Variants in DISC1 observed in about 807,000 individuals in gnomAD.
The protein encoded by DISC1 is DISC1 scaffold protein.
DISC1 carries 57 observed loss-of-function variants against 84.5 expected under a neutral mutation model. That is an observed-to-expected ratio of 0.67 (90% CI 0.55 to 0.84). The LOEUF is 0.84. Among genes scored for constraint, DISC1 ranks in the 40% least tolerant of loss-of-function variants. The pLI is 0.00. For synonymous variants in DISC1, 411 were observed against 415.2 expected, an observed-to-expected ratio of 0.99 and a Z score of 0.12; for missense variants, 1,000 against 1,057.8, an observed-to-expected ratio of 0.95 and a Z score of 0.76.
At chr1:231,631,790 C>T (rs537193954) in intron 1 of DISC1, among the ~76,000 whole-genome samples, 4 of 151,684 alleles carry the variant, frequency 2.6e-5, no homozygotes, top group South Asian at 2.1e-4. Flanking sequence ...AGTTATGGTA[C>T]GCTAAAGATA....
intron 8 of DISC1, among the ~76,000 whole-genome samples, chr1:231,812,895 G>A (rs2080453345): frequency 6.6e-6 from 1 of 152,162 alleles, no homozygotes; most frequent in African/African-American, 2.4e-5. Context: ...TGCCTATAAA[G>A]TATTGATCAA....
intron 5 of DISC1, among the ~76,000 whole-genome samples, chr1:231,767,860 C>T (rs2076279904): frequency 6.6e-6 from 1 of 152,176 alleles, no homozygotes; most frequent in South Asian, 2.1e-4. Context: ...TCATTTTGAC[C>T]TTTAGAAGCT....
intron 3 of DISC1, among the ~76,000 whole-genome samples, chr1:231,705,185 G>T (rs1376498519): frequency 1.3e-5 from 2 of 150,836 alleles, no homozygotes; most frequent in African/African-American, 4.9e-5. Context: ...CTACTCGGGA[G>T]GCTGAGGCAG....
chr1:232,021,769 G>T (rs559160097), intron 11 of DISC1, among the ~76,000 whole-genome samples: 1 of 152,274 alleles, frequency 6.6e-6, no homozygotes, highest in African/African-American at 2.4e-5. Context: ...TATGATATTC[G>T]TGGATCTGTA....
chr1:231,727,571 A>G (rs2070897963), intron 3 of DISC1, among the ~76,000 whole-genome samples: 1 of 152,182 alleles, frequency 6.6e-6, no homozygotes, highest in Non-Finnish European at 1.5e-5. Flanking sequence ...TGAGTTTCAG[A>G]GAGACGCCCC....
intron 9 of DISC1, among the ~76,000 whole-genome samples, chr1:231,906,297 C>T (rs1358330454): frequency 6.6e-6 from 1 of 152,156 alleles, no homozygotes; most frequent in Non-Finnish European, 1.5e-5. Context: ...GCTGGGATTA[C>T]AGGCATGAGT....
chr1:231,921,901 A>C (rs555180951), intron 9 of DISC1, among the ~76,000 whole-genome samples: 1 of 150,536 alleles, frequency 6.6e-6, no homozygotes, highest in Non-Finnish European at 1.5e-5. Context: ...TATTACATAG[A>C]GTCACCATGC....
Position 231,747,335 on chromosome 1 carries a change from A to G in DISC1, c.1118-2591A>G, listed in dbSNP as rs150200108. Among the ~76,000 whole-genome samples, 9 of 152,236 alleles carry G rather than the reference A, an allele frequency of 5.9e-5. No homozygotes were observed. The East Asian group carries it at 1.7e-3, about 29-fold the overall frequency. ...GTGCTTTTAAAATCTTATTCATAAA[A>G]TGTTTTCCCAGGCTCATGTCCTCTG... On this transcript the variant is annotated intron_variant, in intron 3 of 12. Coordinates refer to ENST00000439617, the MANE Select transcript of DISC1 (RefSeq NM_018662.3).
chr1:231,689,833 A>G (rs568452300), intron 1 of DISC1, among the ~76,000 whole-genome samples: 1 of 152,328 alleles, frequency 6.6e-6, no homozygotes, highest in African/African-American at 2.4e-5. Flanking sequence ...AATAATTAAC[A>G]GTGCTGGGTG....
chr1:231,735,839 G>A (rs746721848), intron 3 of DISC1, among the ~76,000 whole-genome samples: 7 of 152,196 alleles, frequency 4.6e-5, no homozygotes, highest in African/African-American at 1.4e-4. Flanking sequence ...TTGAGTCGGG[G>A]TCTGGCTCTG....
chr1:231,948,672 A>G (rs1657723622), intron 9 of DISC1, among the ~76,000 whole-genome samples: 1 of 151,894 alleles, frequency 6.6e-6, no homozygotes, highest in African/African-American at 2.4e-5. Context: ...TACCAAGAAC[A>G]CAAACCAGAA....
Position 232,009,719 on chromosome 1 carries a change from A to G in DISC1, c.2307+670A>G. ...TTCCACTCCTCACTTTCCTCCTCCC[A>G]CCCTAACAAGAGTCTTTTCCATAAA... On this transcript the variant is annotated intron_variant, in intron 11 of 12. Coordinates refer to ENST00000439617, the MANE Select transcript of DISC1 (RefSeq NM_018662.3). This position sits in a 1 kb window ranked among gnomAD's most constrained non-coding sequence, Gnocchi z 4.6. 3 of 579,524 alleles carry G rather than the reference A, an allele frequency of 5.2e-6. No homozygotes were observed. Among genetic ancestry groups the G allele is most frequent in the Non-Finnish European group, 6.5e-6 (3 of 460,576 alleles). The allele number at this position is 579,524 out of a possible 1,614,324, so 35.9% of individuals were successfully genotyped here.
intron 1 of DISC1, among the ~76,000 whole-genome samples, chr1:231,689,217 T>C (rs2064686031): frequency 6.6e-6 from 1 of 152,242 alleles, no homozygotes; most frequent in African/African-American, 2.4e-5. Context: ...CTTCTCTTGC[T>C]ATTTGGTGCA....
intron 1 of DISC1, among the ~76,000 whole-genome samples, chr1:231,646,076 T>C (rs973872283): frequency 2.0e-5 from 3 of 150,222 alleles, no homozygotes; most frequent in Non-Finnish European, 4.4e-5. Flanking sequence ...TTTTTTACAA[T>C]AACAGTGTTA....
intron 3 of DISC1, among the ~76,000 whole-genome samples, chr1:231,729,255 G>T (rs565316071): frequency 1.3e-5 from 2 of 152,272 alleles, no homozygotes; most frequent in East Asian, 3.9e-4. Flanking sequence ...TGGACATTTG[G>T]GTTGGTTCCA....
At position 231,694,070 on chromosome 1, in the gene DISC1, A is replaced by G; in HGVS notation, c.312A>G (p.Ala104=). 1 of 1,614,188 alleles carries G rather than the reference A, an allele frequency of 6.2e-7. No homozygotes were observed. The highest frequency in any genetic ancestry group is 8.5e-7 in the Non-Finnish European group (1 of 1,180,022). ...GGAGCCCTGTTTCCAAGAGTGCAGC[A>G]GCCCCTACTGTGACCTCTGTGAGAG... ...LVRSPVSKSA[A]APTVTSVRGT... The change falls in exon 2 of 13, where the codon GCA becomes GCG. Residue 104 remains alanine (A), a synonymous_variant. Transcript: ENST00000439617.
intron 10 of DISC1, among the ~76,000 whole-genome samples, chr1:231,986,959 A>G (rs1664532852): frequency 6.6e-6 from 1 of 152,180 alleles, no homozygotes; most frequent in Non-Finnish European, 1.5e-5. Context: ...CCCCCCATTA[A>G]TAATCATAAT....
At chr1:231,849,271 C>T (rs1373266506) in intron 9 of DISC1, among the ~76,000 whole-genome samples, 11 of 152,072 alleles carry the variant, frequency 7.2e-5, no homozygotes, top group Non-Finnish European at 1.5e-4. Flanking sequence ...TAGGGATGCG[C>T]CACCACGCTC....
At chr1:231,742,717 G>A (rs1215721350) in intron 3 of DISC1, among the ~76,000 whole-genome samples, 2 of 151,940 alleles carry the variant, frequency 1.3e-5, no homozygotes, top group African/African-American at 4.8e-5. Flanking sequence ...ACATCAGCCT[G>A]GGCAACATAA....
Sources: gnomAD v4.1 joint callset for allele counts (sites outside exome capture counted in the v4.1 genomes callset) on GRCh38, gnomAD v4.1.1 for gene constraint, Gnocchi (gnomAD v3.1) non-coding constraint, MANE v1.5 for transcripts, NCBI Gene and HGNC (gene_info 2026-07-23, HGNC 2026-07-21) for gene names.